ZBTB40: variants seen among roughly 807,000 people sequenced by gnomAD.
ZBTB40 encodes the protein zinc finger and BTB domain-containing protein 40.
ZBTB40 carries 60 observed loss-of-function variants against 117.5 expected under a neutral mutation model. The ratio of observed to expected loss-of-function variants is 0.51; its 90% CI spans 0.41 to 0.63. The LOEUF (loss-of-function observed/expected upper bound fraction) is 0.63, where lower values mean the gene tolerates loss of function less well. Among genes scored for constraint, ZBTB40 ranks in the 30% least tolerant of loss-of-function variants. The pLI is 0.00. For missense variants in ZBTB40, 1,287 were observed against 1,498.5 expected, an observed-to-expected ratio of 0.86 and a Z score of 2.33; for synonymous variants, 525 against 577.1, an observed-to-expected ratio of 0.91 and a Z score of 1.29.
chr1:22,433,436 A>AAACAAAAACAAAAACAAAAC (rs1343618906), intron 1 of ZBTB40, among the ~76,000 whole-genome samples: 1 of 128,702 alleles, frequency 7.8e-6, no homozygotes, highest in Non-Finnish European at 1.7e-5. Context: ...CCCTCTCAAA[A>AAACAAAAACAAAAACAAAAC]AAAAAAAAAA....
intron 1 of ZBTB40, among the ~76,000 whole-genome samples, chr1:22,474,634 G>A (rs888502703): frequency 2.0e-5 from 3 of 152,118 alleles, no homozygotes; most frequent in Non-Finnish European, 4.4e-5. Flanking sequence ...GAGAGTGCCT[G>A]TTATTTCACC....
rs778491148 is a variant in ZBTB40 at position 22,511,639 on chromosome 1, A to G, written c.2003-37A>G. The G allele has an allele frequency of 7.5e-6, 12 of 1,601,066 alleles. No homozygotes were observed. In the African/African-American group the frequency reaches 1.1e-4, roughly 14 times the overall value. On this transcript the variant is annotated intron_variant, in intron 10 of 17. Transcript: ENST00000375647. ...ACGTTATAAAGCAAAATAGAAACAG[A>G]GAGTTCGCAGAGCCACGAGATGTCT...
intron 1 of ZBTB40, among the ~76,000 whole-genome samples, chr1:22,489,029 C>G (rs576985481): frequency 6.6e-6 from 1 of 152,230 alleles, no homozygotes; most frequent in Admixed American, 6.5e-5. Context: ...TGGTTTTAGT[C>G]TGAAGAACTA....
chr1:22,482,672 G>A (rs1259599165), intron 1 of ZBTB40, among the ~76,000 whole-genome samples: 3 of 152,090 alleles, frequency 2.0e-5, no homozygotes, highest in East Asian at 1.9e-4. Flanking sequence ...AACCCCTGGC[G>A]ATCACTGGTC....
At chr1:22,429,983 G>C (rs1640556923) in intron 1 of ZBTB40, among the ~76,000 whole-genome samples, 1 of 152,156 alleles carries the variant, frequency 6.6e-6, no homozygotes, top group Non-Finnish European at 1.5e-5. Flanking sequence ...GGCAACAAGA[G>C]TGAAACTCCG....
At chr1:22,500,691 T>C (rs1026453621) in intron 3 of ZBTB40, among the ~76,000 whole-genome samples, 2 of 152,196 alleles carry the variant, frequency 1.3e-5, no homozygotes, top group Non-Finnish European at 2.9e-5. Context: ...GCTTGTTGTA[T>C]AAACGTTGGT....
At chr1:22,436,861 C>A (rs1640676974) in intron 1 of ZBTB40, among the ~76,000 whole-genome samples, 1 of 151,980 alleles carries the variant, frequency 6.6e-6, no homozygotes, top group Non-Finnish European at 1.5e-5. Context: ...TCTAAAATTT[C>A]ATATCTAGAA....
intron 3 of ZBTB40, among the ~76,000 whole-genome samples, chr1:22,493,184 A>G (rs773231768): frequency 1.3e-5 from 2 of 152,202 alleles, no homozygotes; most frequent in Admixed American, 6.5e-5. Context: ...TTTGATGGCA[A>G]TATCATTAAT....
intron 1 of ZBTB40, among the ~76,000 whole-genome samples, chr1:22,465,597 G>A (rs544623872): frequency 6.6e-6 from 1 of 152,188 alleles, no homozygotes; most frequent in African/African-American, 2.4e-5. Context: ...TGTTGTTCAT[G>A]GTGCTTGGGC....
At chr1:22,509,295 T>C (rs1377452617) in intron 9 of ZBTB40, 62 bp downstream of exon 9, 1 of 1,608,642 alleles carries the variant, frequency 6.2e-7, no homozygotes, top group Non-Finnish European at 8.5e-7. Flanking sequence ...GGGACTGTCT[T>C]CATTCCTAAG....
intron 9 of ZBTB40, 126 bp downstream of exon 9, chr1:22,509,359 T>C: frequency 7.2e-7 from 1 of 1,394,714 alleles, no homozygotes; most frequent in African/African-American, 1.4e-5. Flanking sequence ...TTCCTTTTTC[T>C]CTTTTGAGAC....
intron 5 of ZBTB40, among the ~76,000 whole-genome samples, chr1:22,503,018 A>G (rs2124446022): frequency 6.6e-6 from 1 of 152,130 alleles, no homozygotes; most frequent in East Asian, 1.9e-4. Context: ...TATATAGAAC[A>G]TATGGTTTTC....
intron 1 of ZBTB40, chr1:22,452,718 C>G (rs937340913): frequency 6.6e-6 from 1 of 152,374 alleles, no homozygotes; most frequent in African/African-American, 2.4e-5. Flanking sequence ...TGTCATTCAG[C>G]TATTCCTCTC....
intron 1 of ZBTB40, among the ~76,000 whole-genome samples, chr1:22,445,243 C>T (rs1640774255): frequency 6.6e-6 from 1 of 152,176 alleles, no homozygotes; most frequent in African/African-American, 2.4e-5. Flanking sequence ...TTACCAAAGA[C>T]TAGACTATCT....
rs764030376 is a variant in ZBTB40 at position 22,490,565 on chromosome 1, C to T, written c.617C>T (p.Thr206Ile). Residue 206 changes from threonine to isoleucine, a missense_variant, in exon 2 of 18, where the codon ACT (threonine) becomes ATT (isoleucine). Physicochemically the swap from Thr to Ile is moderately conservative, Grantham distance 89. This residue lies in a region of ZBTB40 where 870 missense variants were observed against 934.4 expected (regional missense o/e 0.93). Coordinates refer to ENST00000375647, the MANE Select transcript of ZBTB40 (RefSeq NM_014870.4). ...SQRNAETPAETPTTAEACSPS... is the reference protein window; with the variant it reads ...SQRNAETPAEIPTTAEACSPS... ...AGGAATGCAGAAACCCCAGCGGAGA[C>T]TCCTACTACAGCTGAAGCTTGTTCC... 1.9e-6 allele frequency: 3 copies of T among 1,614,092 alleles called. No homozygotes were observed. The highest frequency in any genetic ancestry group is 2.2e-5 in the South Asian group (2 of 91,066).
chr1:22,450,410 C>T (rs1640846513), upstream of ZBTB40, among the ~76,000 whole-genome samples: 1 of 152,188 alleles, frequency 6.6e-6, no homozygotes, highest in Non-Finnish European at 1.5e-5. Flanking sequence ...GTTCCAGTTA[C>T]TACAAAAGTG....
At chr1:22,465,356 T>C (rs1641228307) in intron 1 of ZBTB40, among the ~76,000 whole-genome samples, 1 of 152,168 alleles carries the variant, frequency 6.6e-6, no homozygotes, top group Non-Finnish European at 1.5e-5. Context: ...TCATCCCATG[T>C]CTACTCAGCT....
At chr1:22,509,367 G>A (rs1639169438) in intron 9 of ZBTB40, 134 bp downstream of exon 9, 3 of 1,332,640 alleles carry the variant, frequency 2.3e-6, no homozygotes, top group Non-Finnish European at 3.1e-6. Flanking sequence ...TCTCTTTTGA[G>A]ACAGAGTCTT....
At chr1:22,434,235 C>T (rs1262918824) in intron 1 of ZBTB40, among the ~76,000 whole-genome samples, 5 of 152,094 alleles carry the variant, frequency 3.3e-5, no homozygotes, top group Non-Finnish European at 7.4e-5. Context: ...AAGTCATTTT[C>T]GTGCCTTTCA....
Sources: allele counts gnomAD v4.1 joint callset (sites outside exome capture counted in the v4.1 genomes callset), GRCh38; gene constraint gnomAD v4.1.1; regional missense constraint gnomAD v4.1.1; transcripts MANE v1.5; gene names NCBI Gene and HGNC (gene_info 2026-07-23, HGNC 2026-07-21).